The following SH2B2 variants were observed in gnomAD, a reference collection of about 807,000 sequenced individuals.
The protein encoded by SH2B2 is SH2B adapter protein 2.
In SH2B2, 37 loss-of-function variants were observed where a neutral mutation model predicts 35.7. That is an observed-to-expected ratio of 1.04 (90% CI 0.80 to 1.36). The LOEUF is 1.36. Among genes scored for constraint, SH2B2 ranks in the 40% most tolerant of loss-of-function variants. The pLI is 0.00. For synonymous variants in SH2B2, 383 were observed against 376.4 expected (o/e 1.02, Z -0.20); for missense variants, 852 against 817.7 (o/e 1.04, Z -0.51).
intron 4 of SH2B2, among the ~76,000 whole-genome samples, chr7:102,310,694 C>T (rs1368646381): frequency 6.6e-6 from 1 of 152,222 alleles, no homozygotes; most frequent in Non-Finnish European, 1.5e-5. Flanking sequence ...AATTAAGGTC[C>T]TGGGCGCCTC....
chr7:102,312,218 A>G (rs571589949), intron 4 of SH2B2, among the ~76,000 whole-genome samples: 10 of 151,946 alleles, frequency 6.6e-5, no homozygotes, highest in East Asian at 1.9e-4. Context: ...CTAAAAATAC[A>G]AAAATTAGCT....
chr7:102,310,054 G>A (rs1367656386), intron 4 of SH2B2, among the ~76,000 whole-genome samples: 4 of 152,178 alleles, frequency 2.6e-5, no homozygotes, highest in African/African-American at 4.8e-5. Context: ...AGTGGTTCAT[G>A]CCCATAGTCC....
At chr7:102,299,220 G>A (rs1356207079) in intron 1 of SH2B2, among the ~76,000 whole-genome samples, 13 of 16,962 alleles carry the variant, frequency 7.7e-4, no homozygotes, top group South Asian at 4.3e-3. Flanking sequence ...TTTTTTTGAG[G>A]TGGAGTCTGG....
In SH2B2 at chr7:102,300,876, C is replaced by A; in HGVS notation, c.326C>A (p.Ala109Glu). 1 of 1,459,090 alleles carries A rather than the reference C, an allele frequency of 6.9e-7. No individual in the cohort carries two copies. Among genetic ancestry groups the A allele is most frequent in the Admixed American group, 2.6e-5 (1 of 37,780 alleles). The allele number at this position is 1,459,090 out of a possible 1,614,324, so 90.4% of individuals were successfully genotyped here. The change falls in exon 2 of 9, where the codon GCG becomes GAG. Residue 109 changes from alanine (A) to glutamate (E), a missense_variant. Physicochemically the swap from Ala to Glu is moderately radical, Grantham distance 107. This residue lies in a region of SH2B2 where 294 missense variants were observed against 286.6 expected (regional missense o/e 1.03). Transcript: ENST00000444095. ...CTCGCGGACACCTCTGCACTCAAGG[C>A]GGCGCCCTACGGCCACTCGCGGAGC... Reference protein sequence around the residue: ...PELADTSALKAAPYGHSRSSE... With the variant: ...PELADTSALKEAPYGHSRSSE...
At chr7:102,299,943 A>G (rs1313112426) in intron 1 of SH2B2, among the ~76,000 whole-genome samples, 2 of 152,082 alleles carry the variant, frequency 1.3e-5, no homozygotes, top group Non-Finnish European at 2.9e-5. Context: ...TATTTTTTGC[A>G]GTCTCCCTCT....
chr7:102,295,600 C>T (rs1451123615), intron 1 of SH2B2, among the ~76,000 whole-genome samples: 1 of 152,128 alleles, frequency 6.6e-6, no homozygotes, highest in Non-Finnish European at 1.5e-5. Context: ...GGGGAGACAG[C>T]CATGAGGACA....
In SH2B2 at chr7:102,317,240, G is replaced by A. The variant is rs557329329; in HGVS notation, c.1240G>A (p.Asp414Asn). Residue 414 changes from aspartate (D) to asparagine (N), a missense_variant, in exon 7 of 9, where the codon GAC becomes AAC. Transcript: ENST00000444095. ...GGCTGAACCCGAGCTGGAGCTATCCGACTACCCATGGTTCCACGGGACACT... is the reference window on the plus strand; with the variant it reads ...GGCTGAACCCGAGCTGGAGCTATCCAACTACCCATGGTTCCACGGGACACT... Reference protein sequence around the residue: ...PEAEPELELSDYPWFHGTLSR... With the variant: ...PEAEPELELSNYPWFHGTLSR... The A allele has an allele frequency of 1.4e-4, 219 of 1,612,432 alleles. No individual in the cohort carries two copies. The Admixed American group carries it at 3.2e-3, about 24-fold the overall frequency.
At position 102,300,605 on chromosome 7, in the gene SH2B2, C is replaced by G; in HGVS notation, c.55C>G (p.Pro19Ala). ...AAAAPVPVPV[P>A]VPDWRQFCEL... is the part of the protein sequence containing the mutation. ...AGCCGCCCCGGTCCCAGTCCCGGTC[C>G]CGGTCCCGGACTGGCGGCAGTTCTG... The change falls in exon 2 of 9, where the codon CCG (proline) becomes GCG (alanine). Residue 19 changes from proline (P) to alanine (A), a missense_variant. This residue lies in a region of SH2B2 where 294 missense variants were observed against 286.6 expected (regional missense o/e 1.03). Coordinates refer to ENST00000444095, the MANE Select transcript of SH2B2 (RefSeq NM_001359228.2). 1.4e-5 allele frequency: 22 copies of G among 1,551,138 alleles called. No individual in the cohort carries two copies. Among genetic ancestry groups the G allele is most frequent in the Non-Finnish European group, 1.9e-5 (22 of 1,146,530 alleles).
chr7:102,287,007 G>A lies in SH2B2; in HGVS notation c.-117G>A, dbSNP rs1245583361. 6.6e-6 allele frequency: 1 copy of A among 151,142 alleles called. No homozygotes were observed. Among genetic ancestry groups the A allele is most frequent in the East Asian group, 2.0e-4 (1 of 5,118 alleles). 9.4% of individuals were successfully genotyped at this position (151,142 alleles called of 1,614,324 possible). On this transcript the variant is annotated 5_prime_UTR_variant, in exon 1 of 9. It removes an upstream start codon present in the reference 5' UTR. Coordinates refer to ENST00000444095, the MANE Select transcript of SH2B2 (RefSeq NM_001359228.2). ...GGGAGCCCAGTCCGCCGCGGGCCAT[G>A]AGCCACCGGGCCCGGGGAGCCCGGC...
In SH2B2 at chr7:102,297,760, C is replaced by A. The variant is rs1357293487; in HGVS notation, c.-29-2762C>A. On this transcript the variant is annotated intron_variant, in intron 1 of 8. Transcript: ENST00000444095. The surrounding 1 kb of genome is among the most constrained non-coding windows in gnomAD (Gnocchi z 4.3). Reference sequence around the variant, plus strand: ...AGGACACAGCCGCTTCTAGGACTGGCAAAATCCCTGCCTTGTGAAACTGGC... The same window carrying A: ...AGGACACAGCCGCTTCTAGGACTGGAAAAATCCCTGCCTTGTGAAACTGGC... 6.6e-6 allele frequency among the ~76,000 whole-genome samples: 1 copy of A among 151,918 alleles called. No individual in the cohort carries two copies. Among genetic ancestry groups the A allele is most frequent in the Non-Finnish European group, 1.5e-5 (1 of 68,010 alleles).
At chr7:102,313,681 G>A (rs1404496873) in intron 4 of SH2B2, among the ~76,000 whole-genome samples, 1 of 152,014 alleles carries the variant, frequency 6.6e-6, no homozygotes, top group Non-Finnish European at 1.5e-5. Flanking sequence ...TTTGGAGGAC[G>A]AGGCAGGCAG....
At chr7:102,285,831 C>T (rs1792422715), upstream of SH2B2, among the ~76,000 whole-genome samples, 3 of 152,108 alleles carry the variant, frequency 2.0e-5, no homozygotes, top group South Asian at 6.2e-4. Flanking sequence ...CCCAGGGGTC[C>T]CCCCCTGCTA....
At chr7:102,290,348 ACCACCTCTG>A (rs1792629915) in intron 1 of SH2B2, among the ~76,000 whole-genome samples, 2 of 29,436 alleles carry the variant, frequency 6.8e-5, no homozygotes, top group African/African-American at 2.9e-4. Flanking sequence ...TGCAACCTCC[ACCACCTCTG>A]GGGTTCAAGC....
chr7:102,303,486 G>A (rs1239751218), intron 2 of SH2B2, among the ~76,000 whole-genome samples: 1 of 152,130 alleles, frequency 6.6e-6, no homozygotes, highest in African/African-American at 2.4e-5. Flanking sequence ...GTGCAGGGGT[G>A]TGGGCTCCCC....
intron 1 of SH2B2, among the ~76,000 whole-genome samples, chr7:102,292,215 C>T (rs958283455): frequency 5.3e-5 from 8 of 151,704 alleles, no homozygotes; most frequent in Non-Finnish European, 8.8e-5. Flanking sequence ...TAGTGAGACC[C>T]CCATCTCTAC....
In SH2B2 at chr7:102,300,807, C is replaced by G. The variant is rs776432320; in HGVS notation, c.257C>G (p.Thr86Arg). The G allele has an allele frequency of 6.7e-7, 1 of 1,489,122 alleles. No homozygotes were observed. The highest frequency in any genetic ancestry group is 1.4e-5 in the African/African-American group (1 of 70,410). 92.2% of individuals were successfully genotyped at this position (1,489,122 alleles called of 1,614,324 possible). A position where few individuals can be genotyped will look rare whatever the true frequency, so the allele number is the denominator to read the frequency against. Reference sequence around the variant, plus strand: ...CGCCGCGTGCTGGTGGCTGGGCCGACGACTCGGGGCGCGGCCGTGAGCGCA... The same window carrying G: ...CGCCGCGTGCTGGTGGCTGGGCCGAGGACTCGGGGCGCGGCCGTGAGCGCA... The part of the protein sequence containing the change: ...EVRRVLVAGP[T>R]TRGAAVSAEA... Residue 86 changes from threonine to arginine, a missense_variant, in exon 2 of 9, where the codon ACG becomes AGG. By Grantham distance (71) the Thr-to-Arg change is moderately conservative. This residue lies in a region of SH2B2 where 294 missense variants were observed against 286.6 expected (regional missense o/e 1.03). Coordinates refer to ENST00000444095, the MANE Select transcript of SH2B2 (RefSeq NM_001359228.2).
intron 1 of SH2B2, among the ~76,000 whole-genome samples, chr7:102,296,956 G>A (rs1157252933): frequency 2.0e-5 from 3 of 151,810 alleles, no homozygotes; most frequent in Admixed American, 1.3e-4. Context: ...TCCACCCTGG[G>A]AGACACTGCA....
At chr7:102,306,886 C>G (rs557326493) in intron 3 of SH2B2, 64 bp downstream of exon 3, 3 of 1,265,540 alleles carry the variant, frequency 2.4e-6, no homozygotes, top group African/African-American at 3.0e-5. Flanking sequence ...CCTTTAGGTG[C>G]TACAGCTCCC....
chr7:102,310,773 CTCTT>C (rs1232400826), intron 4 of SH2B2, among the ~76,000 whole-genome samples: 1 of 152,246 alleles, frequency 6.6e-6, no homozygotes, highest in Non-Finnish European at 1.5e-5. Flanking sequence ...GCTCTGCAAA[CTCTT>C]TCCCCAGCCG....
Sources: allele counts gnomAD v4.1 joint callset (sites outside exome capture counted in the v4.1 genomes callset), GRCh38; gene constraint gnomAD v4.1.1; regional missense constraint gnomAD v4.1.1; non-coding constraint Gnocchi (gnomAD v3.1); transcripts MANE v1.5; gene names NCBI Gene and HGNC (gene_info 2026-07-23, HGNC 2026-07-21).